PTPRG: variants seen among roughly 807,000 people sequenced by gnomAD.
PTPRG encodes the protein receptor-type tyrosine-protein phosphatase gamma.
Under a neutral mutation model 165.3 loss-of-function variants are expected in PTPRG, and 102 were observed. That is an observed-to-expected ratio of 0.62 (90% confidence interval 0.53 to 0.73). The LOEUF is 0.73. PTPRG is among the 30% of genes least tolerant of loss of function. PTPRG has a pLI of 0.00. For missense variants in PTPRG, 1,866 were observed against 1,861.4 expected, an observed-to-expected ratio of 1.00 and a Z score of -0.05; for synonymous variants, 675 against 669.5, an observed-to-expected ratio of 1.01 and a Z score of -0.13.
intron 4 of PTPRG, among the ~76,000 whole-genome samples, chr3:62,018,623 G>A (rs1431923870): frequency 6.6e-6 from 1 of 152,210 alleles, no homozygotes; most frequent in Non-Finnish European, 1.5e-5. Flanking sequence ...AGAGCAAAAT[G>A]TAAGCACTTG....
intron 1 of PTPRG, among the ~76,000 whole-genome samples, chr3:61,635,232 G>A (rs1701876145): frequency 6.6e-6 from 1 of 151,840 alleles, no homozygotes; most frequent in South Asian, 2.1e-4. Context: ...CGAAAATCAA[G>A]CTGTCATGGA....
chr3:62,273,976 T>C lies in PTPRG; in HGVS notation c.3465+132T>C. 1.2e-6 allele frequency: 1 copy of C among 869,450 alleles called. No individual in the cohort carries two copies. Among genetic ancestry groups the C allele is most frequent in the Middle Eastern group, 3.4e-4 (1 of 2,960 alleles). 53.9% of individuals were successfully genotyped at this position (869,450 alleles called of 1,614,324 possible). A position where few individuals can be genotyped will look rare whatever the true frequency, so the allele number is the denominator to read the frequency against. On this transcript the variant is annotated intron_variant, in intron 23 of 29. Coordinates refer to ENST00000474889, the MANE Select transcript of PTPRG (RefSeq NM_002841.4). This position sits in a 1 kb window ranked among gnomAD's most constrained non-coding sequence, Gnocchi z 4.1. ...TACTATTTGTACTCCTTGTACTCCTTAAATGTGATGAAAAAGAAAATACGG... is the reference window on the plus strand; with the variant it reads ...TACTATTTGTACTCCTTGTACTCCTCAAATGTGATGAAAAAGAAAATACGG...
At chr3:61,960,677 G>T (rs188327708) in intron 2 of PTPRG, among the ~76,000 whole-genome samples, 23 of 152,156 alleles carry the variant, frequency 1.5e-4, no homozygotes, top group Admixed American at 5.2e-4. Flanking sequence ...TGATGAGTAG[G>T]TTAGGCAATT....
intron 12 of PTPRG, among the ~76,000 whole-genome samples, chr3:62,212,457 G>C (rs534844779): frequency 6.6e-6 from 1 of 152,300 alleles, no homozygotes; most frequent in African/African-American, 2.4e-5. Context: ...CTTCTCTTGA[G>C]CCAGGTTATT....
intron 4 of PTPRG, among the ~76,000 whole-genome samples, chr3:62,070,068 A>G (rs1002166007): frequency 1.3e-5 from 2 of 152,208 alleles, no homozygotes; most frequent in African/African-American, 4.8e-5. Flanking sequence ...TGTTTGTGTT[A>G]TGTATTTTAA....
At chr3:61,660,804 C>T (rs1293081909) in intron 1 of PTPRG, among the ~76,000 whole-genome samples, 2 of 152,128 alleles carry the variant, frequency 1.3e-5, no homozygotes, top group South Asian at 2.1e-4. Context: ...AGTTCGAGAC[C>T]AGCCTGGCCA....
chr3:61,815,825 G>A (rs1036345391), intron 2 of PTPRG, among the ~76,000 whole-genome samples: 1 of 152,200 alleles, frequency 6.6e-6, no homozygotes, highest in Non-Finnish European at 1.5e-5. Flanking sequence ...ATATAGGAAT[G>A]AATACAGCAG....
In PTPRG at chr3:62,294,158, T is replaced by G. The variant is rs1702990029; in HGVS notation, c.*851T>G. 1 of 152,116 alleles carries G rather than the reference T, an allele frequency of 6.6e-6. No individual in the cohort carries two copies. Among genetic ancestry groups the G allele is most frequent in the Non-Finnish European group, 1.5e-5 (1 of 68,004 alleles). The allele number at this position is 152,116 out of a possible 1,614,324, so 9.4% of individuals were successfully genotyped here. A position where few individuals can be genotyped will look rare whatever the true frequency, so the allele number is the denominator to read the frequency against. Reference sequence around the variant, plus strand: ...TATGAGACCCTTTAGTTATTCTCCATTAATGCTTCTTAGTTTGTAATACCA... The same window carrying G: ...TATGAGACCCTTTAGTTATTCTCCAGTAATGCTTCTTAGTTTGTAATACCA... On this transcript the variant is annotated 3_prime_UTR_variant, in exon 30 of 30. Transcript: ENST00000474889.
chr3:62,191,667 C>T lies in PTPRG; in HGVS notation c.1218+14C>T. On this transcript the variant is annotated intron_variant, in intron 9 of 29. Coordinates refer to ENST00000474889, the MANE Select transcript of PTPRG (RefSeq NM_002841.4). ...GACAAAGACTTGGTATGAAGCCCCTCCTCTGATTCAGGGTACATGCTGCAG... is the reference window on the plus strand; with the variant it reads ...GACAAAGACTTGGTATGAAGCCCCTTCTCTGATTCAGGGTACATGCTGCAG... 1.2e-6 allele frequency: 2 copies of T among 1,611,738 alleles called. No individual in the cohort carries two copies. The highest frequency in any genetic ancestry group is 1.1e-5 in the South Asian group (1 of 90,798).
intron 1 of PTPRG, among the ~76,000 whole-genome samples, chr3:61,629,949 T>A (rs1157805948): frequency 6.6e-6 from 1 of 152,254 alleles, no homozygotes; most frequent in Middle Eastern, 3.2e-3. Flanking sequence ...TTAAAATGTT[T>A]GTTCAACAGA....
intron 1 of PTPRG, among the ~76,000 whole-genome samples, chr3:61,575,761 G>C (rs539044986): frequency 1.3e-3 from 198 of 151,960 alleles, no homozygotes; most frequent in African/African-American, 2.6e-3. Context: ...CACCACGCCC[G>C]GCTAATTTTT....
chr3:61,811,850 T>A (rs1198430954), intron 2 of PTPRG, among the ~76,000 whole-genome samples: 2 of 151,986 alleles, frequency 1.3e-5, no homozygotes, highest in Non-Finnish European at 2.9e-5. Flanking sequence ...ACAGCTTGAG[T>A]TTTATTTTGT....
At chr3:61,947,068 C>CT (rs2039779327) in intron 2 of PTPRG, among the ~76,000 whole-genome samples, 2 of 152,260 alleles carry the variant, frequency 1.3e-5, no homozygotes, top group South Asian at 4.1e-4. Flanking sequence ...GCCCATCGTT[C>CT]TTTTAACAAT....
chr3:61,737,207 C>T (rs1315699419), intron 1 of PTPRG, among the ~76,000 whole-genome samples: 2 of 152,112 alleles, frequency 1.3e-5, no homozygotes, highest in Non-Finnish European at 2.9e-5. Flanking sequence ...TCTCTAAGTA[C>T]ATTCTTTCCC....
At chr3:62,281,124 C>T (rs9824098) in intron 26 of PTPRG, among the ~76,000 whole-genome samples, 72,844 of 151,798 alleles carry the variant, frequency 0.48, 17,946 homozygotes, top group African/African-American at 0.57. Flanking sequence ...AGAAAACTTA[C>T]AGTGTTTATG....
chr3:62,220,375 C>T (rs770898396), intron 13 of PTPRG, among the ~76,000 whole-genome samples: 3 of 152,150 alleles, frequency 2.0e-5, no homozygotes, highest in Non-Finnish European at 2.9e-5. Context: ...GAAACAGAGA[C>T]CATCGGGGAG....
chr3:61,563,712 T>C (rs1247812180), intron 1 of PTPRG, among the ~76,000 whole-genome samples: 2 of 152,316 alleles, frequency 1.3e-5, no homozygotes, highest in East Asian at 3.9e-4. Context: ...CAGACGCCTG[T>C]CCTCGGGCGG....
intron 2 of PTPRG, among the ~76,000 whole-genome samples, chr3:61,884,489 C>T (rs1290040700): frequency 6.6e-6 from 1 of 152,108 alleles, no homozygotes; most frequent in Admixed American, 6.5e-5. Flanking sequence ...ATAGAGTTGA[C>T]CTGCCTAGAA....
intron 2 of PTPRG, among the ~76,000 whole-genome samples, chr3:61,823,892 C>A (rs759137081): frequency 6.6e-6 from 1 of 151,968 alleles, no homozygotes; most frequent in Non-Finnish European, 1.5e-5. Flanking sequence ...TTTGGGAGGC[C>A]GAGGTGGGCA....
Sources: gnomAD v4.1 joint callset for allele counts (sites outside exome capture counted in the v4.1 genomes callset) on GRCh38, gnomAD v4.1.1 for gene constraint, Gnocchi (gnomAD v3.1) non-coding constraint, MANE v1.5 for transcripts, NCBI Gene and HGNC (gene_info 2026-07-23, HGNC 2026-07-21) for gene names.